NHSL1: variants seen among roughly 807,000 people sequenced by gnomAD.
NHSL1 encodes the protein NHS-like protein 1.
In NHSL1, 48 loss-of-function variants were observed where a neutral mutation model predicts 95.0. The observed-to-expected ratio is 0.51, with a 90% CI of 0.40 to 0.64. The LOEUF (loss-of-function observed/expected upper bound fraction) is 0.64, where lower values mean the gene tolerates loss of function less well. Ranked by LOEUF, NHSL1 falls within the 30% of genes least tolerant of loss-of-function variation. The pLI is 0.00. For missense variants in NHSL1, 1,971 were observed against 2,077.7 expected, an observed-to-expected ratio of 0.95 and a Z score of 1.00; for synonymous variants, 783 against 833.9, an observed-to-expected ratio of 0.94 and a Z score of 1.05.
At chr6:138,501,492 C>T (rs9389585), upstream of NHSL1, among the ~76,000 whole-genome samples, 18,345 of 152,006 alleles carry the variant, frequency 0.12, 1,281 homozygotes, top group East Asian at 0.33. Context: ...CGTGAAAAGT[C>T]GAGATTTGAG....
chr6:138,660,621 A>T (rs1244900144), intron 1 of NHSL1, among the ~76,000 whole-genome samples: 1 of 151,376 alleles, frequency 6.6e-6, no homozygotes, highest in Non-Finnish European at 1.5e-5. Flanking sequence ...AACCTGGGCA[A>T]CAGAGCAAGA....
intron 3 of NHSL1, among the ~76,000 whole-genome samples, chr6:138,453,225 T>A (rs1319893189): frequency 6.6e-6 from 1 of 152,190 alleles, no homozygotes; most frequent in African/African-American, 2.4e-5. Flanking sequence ...TCCGCCCGCC[T>A]CAGCCTCCAA....
chr6:138,570,395 G>C (rs1783795174), intron 1 of NHSL1, among the ~76,000 whole-genome samples: 1 of 152,182 alleles, frequency 6.6e-6, no homozygotes, highest in Admixed American at 6.5e-5. Context: ...GAAAAGTAAA[G>C]TTCACGGACT....
chr6:138,514,209 TC>T (rs1562340940), intron 1 of NHSL1, among the ~76,000 whole-genome samples: 1 of 151,994 alleles, frequency 6.6e-6, no homozygotes, highest in African/African-American at 2.4e-5. Context: ...TGCCAGGTAC[TC>T]AGGAGGCTGA....
chr6:138,532,909 A>G (rs895326089), intron 1 of NHSL1, among the ~76,000 whole-genome samples: 2 of 152,222 alleles, frequency 1.3e-5, no homozygotes, highest in Admixed American at 1.3e-4. Context: ...AAGGCAGCCT[A>G]TCAGAGGTCA....
At chr6:138,647,735 G>C (rs944391661) in intron 1 of NHSL1, among the ~76,000 whole-genome samples, 8 of 151,666 alleles carry the variant, frequency 5.3e-5, no homozygotes, top group African/African-American at 1.9e-4. Flanking sequence ...CGAGTAGCTG[G>C]GATTACAGAT....
In NHSL1 at chr6:138,624,173, T is replaced by C. The variant is rs537343745; in HGVS notation, c.96+68303A>G. On this transcript the variant is annotated intron_variant, in intron 1 of 3. Transcript: ENST00000491526. ...ATTGGCTGAGAAGAGGTGGCAGCAA[T>C]GGTGGACGCTAAGAGAGTGCATCTC... is the stretch of plus-strand genomic sequence containing the variant. Among the ~76,000 whole-genome samples, 120 of 152,314 alleles carry C rather than the reference T, an allele frequency of 7.9e-4. 1 individual carries two copies. Among genetic ancestry groups the C allele is most frequent in the Non-Finnish European group, 1.2e-3 (84 of 68,034 alleles).
At chr6:138,492,923 G>A (rs555774868) in intron 2 of NHSL1, among the ~76,000 whole-genome samples, 224 of 152,242 alleles carry the variant, frequency 1.5e-3, no homozygotes, top group Admixed American at 3.2e-3. Context: ...AGAATGCTGA[G>A]GTTGAATGAA....
At chr6:138,511,029 T>C (rs1781197654) in intron 1 of NHSL1, among the ~76,000 whole-genome samples, 2 of 152,112 alleles carry the variant, frequency 1.3e-5, no homozygotes, top group Non-Finnish European at 2.9e-5. Flanking sequence ...CCACATAATT[T>C]GGCCCACACA....
chr6:138,540,627 C>T (rs1782542652), intron 1 of NHSL1, among the ~76,000 whole-genome samples: 1 of 152,202 alleles, frequency 6.6e-6, no homozygotes, highest in Admixed American at 6.5e-5. Flanking sequence ...TGCACGATGA[C>T]GAAGGATAGA....
In NHSL1 at chr6:138,431,178, G is replaced by T. The variant is rs1305984911; in HGVS notation, c.3167C>A (p.Thr1056Asn). Residue 1056 changes from threonine (T) to asparagine (N), a missense_variant, in exon 6 of 8, where the codon ACC (threonine) becomes AAC (asparagine). Coordinates refer to ENST00000343505, the MANE Select transcript of NHSL1 (RefSeq NM_001144060.2). This position sits in a 1 kb window ranked among gnomAD's most constrained non-coding sequence, Gnocchi z 4.0. ...GGGGGGCCTGCTGGTCTCCTCCTTG[G>T]TAGAAGGCGGCCTCAAGGATCCCCG... Reference protein sequence around the residue: ...SSRGSLRPPSTKEETSRPPMP... With the variant: ...SSRGSLRPPSNKEETSRPPMP... 6.5e-7 allele frequency: 1 copy of T among 1,548,658 alleles called. No homozygotes were observed. The highest frequency in any genetic ancestry group is 2.0e-5 in the Admixed American group (1 of 50,806).
chr6:138,607,403 G>C (rs78839118), intron 1 of NHSL1, among the ~76,000 whole-genome samples: 167 of 152,300 alleles, frequency 1.1e-3, no homozygotes, highest in African/African-American at 3.8e-3. Context: ...TGAAACAAGT[G>C]AGAGGTCAAA....
At chr6:138,440,045 T>A (rs1237116432) in intron 5 of NHSL1, among the ~76,000 whole-genome samples, 1 of 152,144 alleles carries the variant, frequency 6.6e-6, no homozygotes, top group Non-Finnish European at 1.5e-5. Flanking sequence ...TACATATGCA[T>A]ACAGACAATG....
At chr6:138,529,007 G>A (rs989228632) in intron 1 of NHSL1, among the ~76,000 whole-genome samples, 1 of 152,304 alleles carries the variant, frequency 6.6e-6, no homozygotes, top group South Asian at 2.1e-4. Context: ...AATTGAGAAT[G>A]AGCCTTTTAT....
upstream of NHSL1, among the ~76,000 whole-genome samples, chr6:138,573,397 C>T (rs1223511221): frequency 6.6e-6 from 1 of 152,186 alleles, no homozygotes; most frequent in Non-Finnish European, 1.5e-5. Flanking sequence ...AGAACTAGGT[C>T]TGTAGCACTT....
intron 1 of NHSL1, among the ~76,000 whole-genome samples, chr6:138,587,126 C>A (rs1322975757): frequency 6.6e-6 from 1 of 151,820 alleles, no homozygotes; most frequent in African/African-American, 2.4e-5. Context: ...GCGCATGCCA[C>A]CATGCCCGGC....
At chr6:138,628,762 A>G (rs1784778046) in intron 1 of NHSL1, among the ~76,000 whole-genome samples, 1 of 152,170 alleles carries the variant, frequency 6.6e-6, no homozygotes. Context: ...AGAAAATTAA[A>G]AAGTTCCTCC....
At chr6:138,601,014 T>C (rs369065277) in intron 1 of NHSL1, among the ~76,000 whole-genome samples, 3 of 152,228 alleles carry the variant, frequency 2.0e-5, no homozygotes, top group African/African-American at 7.2e-5. Flanking sequence ...TTAAATTCAA[T>C]AGAAAACAAA....
chr6:138,590,090 T>C (rs976104493), intron 1 of NHSL1, among the ~76,000 whole-genome samples: 2 of 152,164 alleles, frequency 1.3e-5, no homozygotes, highest in Non-Finnish European at 2.9e-5. Context: ...CTCTGCCTCC[T>C]GGGTTCAAGC....
Sources: allele counts gnomAD v4.1 joint callset (sites outside exome capture counted in the v4.1 genomes callset), GRCh38; gene constraint gnomAD v4.1.1; non-coding constraint Gnocchi (gnomAD v3.1); transcripts MANE v1.5; gene names NCBI Gene and HGNC (gene_info 2026-07-23, HGNC 2026-07-21).